The following IKZF2 variants were observed in gnomAD, a reference collection of about 807,000 sequenced individuals.
IKZF2 encodes zinc finger protein Helios.
In IKZF2, 15 loss-of-function variants were observed where a neutral mutation model predicts 49.2. The observed-to-expected ratio is 0.30, with a 90% CI of 0.20 to 0.47. The LOEUF is 0.47. IKZF2 is among the 20% of genes least tolerant of loss of function. The probability of loss-of-function intolerance (pLI) is 1.00; values close to 1 mark genes in which losing one functional copy is unlikely to be tolerated. For synonymous variants in IKZF2, 227 were observed against 221.4 expected, an observed-to-expected ratio of 1.03 and a Z score of -0.23; for missense variants, 567 against 664.6, an observed-to-expected ratio of 0.85 and a Z score of 1.61.
intron 4 of IKZF2, among the ~76,000 whole-genome samples, chr2:213,109,735 A>T (rs1239955281): frequency 6.6e-6 from 1 of 152,070 alleles, no homozygotes; most frequent in Non-Finnish European, 1.5e-5. Context: ...ATTTGGCAAT[A>T]CTATATTTCA....
At chr2:213,014,078 A>C in intron 7 of IKZF2, 144 bp from the exon 8 acceptor site, 1 of 646,076 alleles carries the variant, frequency 1.5e-6, no homozygotes, top group Non-Finnish European at 2.6e-6. Context: ...TCTAGTGTGA[A>C]AGTATACTCT....
intron 4 of IKZF2, among the ~76,000 whole-genome samples, chr2:213,069,442 T>G (rs1218155222): frequency 6.6e-6 from 1 of 152,114 alleles, no homozygotes; most frequent in Admixed American, 6.6e-5. Flanking sequence ...CGAATCTACG[T>G]TTTTGTCACT....
intron 8 of IKZF2, 113 bp downstream of exon 8, chr2:213,013,678 T>A (rs1367667493): frequency 1.8e-5 from 16 of 914,232 alleles, no homozygotes; most frequent in Non-Finnish European, 2.7e-5. Context: ...AGAAAAGAGA[T>A]GGGTATTTAT....
At chr2:213,106,863 G>A (rs1166508816) in intron 4 of IKZF2, among the ~76,000 whole-genome samples, 2 of 151,908 alleles carry the variant, frequency 1.3e-5, no homozygotes, top group Non-Finnish European at 2.9e-5. Flanking sequence ...ATGTAATCTT[G>A]AGCAAAGGTA....
intron 4 of IKZF2, among the ~76,000 whole-genome samples, chr2:213,080,179 G>GAGGT (rs139996869): frequency 2.1e-5 from 2 of 97,096 alleles, no homozygotes; most frequent in Non-Finnish European, 5.8e-5. Context: ...AATCTATATA[G>GAGGT]AGATAGATAG....
intron 4 of IKZF2, among the ~76,000 whole-genome samples, chr2:213,087,559 C>T (rs1055479320): frequency 6.6e-6 from 1 of 151,940 alleles, no homozygotes; most frequent in Non-Finnish European, 1.5e-5. Context: ...GTTTGTTACA[C>T]ATGTATACAT....
chr2:213,049,322 C>CA (rs1034594960), intron 6 of IKZF2, among the ~76,000 whole-genome samples: 16 of 151,424 alleles, frequency 1.1e-4, no homozygotes, highest in African/African-American at 2.2e-4. Context: ...CTGTATCAGT[C>CA]AAAAAAAATC....
At chr2:213,094,712 G>T (rs1705771608) in intron 4 of IKZF2, among the ~76,000 whole-genome samples, 1 of 152,122 alleles carries the variant, frequency 6.6e-6, no homozygotes, top group South Asian at 2.1e-4. Context: ...TAATATTTTA[G>T]CAACCAGTAT....
At position 213,116,585 on chromosome 2, in the gene IKZF2, A is replaced by C. The variant is rs528426151; in HGVS notation, c.139+31123T>G. Among the ~76,000 whole-genome samples, 66 of 152,208 alleles carry C rather than the reference A, an allele frequency of 4.3e-4. 1 individual carries two copies. The South Asian group carries it at 0.013, about 31-fold the overall frequency. ...TCTTGTCTGTACAAAAAACATTTAAAAAATTATACAGGCAGGGTGGCCTGT... is the reference window on the plus strand; with the variant it reads ...TCTTGTCTGTACAAAAAACATTTAACAAATTATACAGGCAGGGTGGCCTGT... On this transcript the variant is annotated intron_variant, in intron 4 of 8. Coordinates refer to ENST00000434687, the MANE Select transcript of IKZF2 (RefSeq NM_001387220.1).
At chr2:213,011,303 T>A (rs546979899) in intron 8 of IKZF2, among the ~76,000 whole-genome samples, 17 of 152,168 alleles carry the variant, frequency 1.1e-4, no homozygotes, top group African/African-American at 3.1e-4. Context: ...AGATTTTTTT[T>A]AATTATGAGA....
At position 213,007,434 on chromosome 2, in the gene IKZF2, T is replaced by A; in HGVS notation, c.1507A>T (p.Ile503Phe). The change falls in exon 9 of 9, where the codon ATC becomes TTC. Residue 503 changes from isoleucine to phenylalanine, a missense_variant. This residue lies in a region of IKZF2 where 22 missense variants were observed against 52.3 expected (regional missense o/e 0.42). Coordinates refer to ENST00000434687, the MANE Select transcript of IKZF2 (RefSeq NM_001387220.1). ...HGYRDPLECN[I>F]CGYRSQDRYE... ...CGGTCCTGGCTTCTGTAGCCACAGA[T>A]GTTGCATTCCAGTGGGTCCCGGTAG... is the stretch of plus-strand genomic sequence containing the variant. The A allele has an allele frequency of 6.2e-7, 1 of 1,613,564 alleles. No individual in the cohort carries two copies. The highest frequency in any genetic ancestry group is 2.2e-5 in the East Asian group (1 of 44,854).
chr2:213,061,493 T>TAA (rs376159502), intron 4 of IKZF2, among the ~76,000 whole-genome samples: 34,475 of 145,232 alleles, frequency 0.24, 4,366 homozygotes, highest in Non-Finnish European at 0.29. Context: ...CTTGAAAAAG[T>TAA]AAAAAAAAAA....
At chr2:213,087,830 C>T (rs1246088733) in intron 4 of IKZF2, among the ~76,000 whole-genome samples, 1 of 152,170 alleles carries the variant, frequency 6.6e-6, no homozygotes, top group Non-Finnish European at 1.5e-5. Context: ...AGGACATGAA[C>T]TCATCCTTTT....
At chr2:213,010,127 T>C (rs1025834720) in intron 8 of IKZF2, among the ~76,000 whole-genome samples, 1 of 151,898 alleles carries the variant, frequency 6.6e-6, no homozygotes, top group Non-Finnish European at 1.5e-5. Flanking sequence ...TAGATGACAA[T>C]GAGATAGAAA....
intron 1 of IKZF2, among the ~76,000 whole-genome samples, chr2:213,151,004 A>G (rs764147574): frequency 6.6e-6 from 1 of 151,874 alleles, no homozygotes; most frequent in South Asian, 2.1e-4. Flanking sequence ...TTGGAATTCA[A>G]GTTAAAACAA....
rs537423296 is a variant in IKZF2 at position 213,034,317 on chromosome 2, A to G, written c.575-12187T>C. ...GGAGTAGCATTTTAAATTTTCTTCA[A>G]TAACATTTCCTTTGCATTCACAATG... On this transcript the variant is annotated intron_variant, in intron 6 of 8. Coordinates refer to ENST00000434687, the MANE Select transcript of IKZF2 (RefSeq NM_001387220.1). Among the ~76,000 whole-genome samples the G allele has an allele frequency of 9.2e-5, 14 of 152,334 alleles. No homozygotes were observed. The East Asian group carries it at 2.7e-3, about 29-fold the overall frequency.
chr2:213,150,581 A>G (rs2197025), intron 1 of IKZF2, among the ~76,000 whole-genome samples: 55,429 of 151,006 alleles, frequency 0.37, 11,309 homozygotes, highest in East Asian at 0.48. Context: ...AGGAAAGAGG[A>G]AAAAAAAGAG....
intron 4 of IKZF2, among the ~76,000 whole-genome samples, chr2:213,131,173 G>A (rs1210031748): frequency 6.6e-6 from 1 of 152,098 alleles, no homozygotes; most frequent in Non-Finnish European, 1.5e-5. Context: ...AATAATTGTA[G>A]ACAAATGTGA....
At chr2:213,074,616 A>C (rs751663035) in intron 4 of IKZF2, among the ~76,000 whole-genome samples, 1 of 152,272 alleles carries the variant, frequency 6.6e-6, no homozygotes, top group Middle Eastern at 3.4e-3. Context: ...CTTAAATCCA[A>C]TCAATGGATT....
Sources: gnomAD v4.1 joint callset for allele counts (sites outside exome capture counted in the v4.1 genomes callset) on GRCh38, gnomAD v4.1.1 for gene constraint, gnomAD v4.1.1 regional missense constraint, MANE v1.5 for transcripts, NCBI Gene and HGNC (gene_info 2026-07-23, HGNC 2026-07-21) for gene names.